The following LRRN1 variants were observed in gnomAD, a reference collection of about 807,000 sequenced individuals.
LRRN1 encodes the protein leucine-rich repeat neuronal protein 1.
LRRN1 carries 14 observed loss-of-function variants against 45.8 expected under a neutral mutation model. The ratio of observed to expected loss-of-function variants is 0.31; its 90% confidence interval spans 0.20 to 0.48. The LOEUF (loss-of-function observed/expected upper bound fraction) is 0.48, where lower values mean the gene tolerates loss of function less well. Among genes scored for constraint, LRRN1 ranks in the 20% least tolerant of loss-of-function variants. The pLI, the probability that LRRN1 is intolerant of heterozygous loss-of-function variation, is 0.99. For synonymous variants in LRRN1, 359 were observed against 330.1 expected (o/e 1.09, Z -0.95); for missense variants, 789 against 874.2 (o/e 0.90, Z 1.23).
chr3:3,825,547 A>AT (rs1195903164), intron 1 of LRRN1, among the ~76,000 whole-genome samples: 1 of 152,202 alleles, frequency 6.6e-6, no homozygotes, highest in Non-Finnish European at 1.5e-5. Flanking sequence ...GGGGAGGACA[A>AT]TCTAATTTTC....
At chr3:3,837,841 A>G (rs557392639) in intron 1 of LRRN1, among the ~76,000 whole-genome samples, 1 of 151,980 alleles carries the variant, frequency 6.6e-6, no homozygotes, top group African/African-American at 2.4e-5. Context: ...CTATGTATTA[A>G]GCCCAACATG....
chr3:3,827,349 T>C, intron 1 of LRRN1: 1 of 413,060 alleles, frequency 2.4e-6, no homozygotes, highest in South Asian at 1.7e-5. Flanking sequence ...TTGTTAAGTA[T>C]CACAATCAGC....
Position 3,844,947 on chromosome 3 carries a change from C to T in LRRN1, c.306C>T (p.Phe102=), listed in dbSNP as rs1456515421. 6.2e-7 allele frequency: 1 copy of T among 1,614,120 alleles called. No homozygotes were observed. Among genetic ancestry groups the T allele is most frequent in the African/African-American group, 1.3e-5 (1 of 75,050 alleles). The change falls in exon 2 of 2, where the codon TTC becomes TTT. Residue 102 remains phenylalanine, a synonymous_variant. Transcript: ENST00000319331. Reference sequence around the variant, plus strand: ...TTTTCAACTTGACTGAACTAGATTTCTCCCAAAACAACTTTACTAACATTA... The same window carrying T: ...TTTTCAACTTGACTGAACTAGATTTTTCCCAAAACAACTTTACTAACATTA... ...QQLFNLTELD[F]SQNNFTNIKE...
intron 1 of LRRN1, among the ~76,000 whole-genome samples, chr3:3,821,614 T>C (rs1693107314): frequency 1.3e-5 from 2 of 152,180 alleles, no homozygotes; most frequent in South Asian, 4.1e-4. Flanking sequence ...CACCATTTTA[T>C]TGGATCTCTT....
At chr3:3,827,829 A>T (rs1488455) in intron 1 of LRRN1, among the ~76,000 whole-genome samples, 79,298 of 151,920 alleles carry the variant, frequency 0.52, 23,251 homozygotes, top group Non-Finnish European at 0.67. Flanking sequence ...TGTTTTATAA[A>T]TTGCCTGGAT....
intron 1 of LRRN1, among the ~76,000 whole-genome samples, chr3:3,839,283 C>T (rs146953619): frequency 1.4e-4 from 22 of 152,192 alleles, no homozygotes; most frequent in Non-Finnish European, 5.9e-5. Context: ...AGTCTTGGCA[C>T]CCTTGTCAAA....
At chr3:3,826,378 A>G (rs1393738446) in intron 1 of LRRN1, among the ~76,000 whole-genome samples, 1 of 152,186 alleles carries the variant, frequency 6.6e-6, no homozygotes, top group Non-Finnish European at 1.5e-5. Flanking sequence ...AAAATAGGAT[A>G]CAAAGTTACA....
intron 1 of LRRN1, among the ~76,000 whole-genome samples, chr3:3,840,061 A>G (rs1693614049): frequency 1.3e-5 from 2 of 152,118 alleles, no homozygotes; most frequent in South Asian, 4.1e-4. Context: ...TCCCATTCTT[A>G]GAGGAGAAAC....
chr3:3,830,799 G>A (rs1693355051), intron 1 of LRRN1, among the ~76,000 whole-genome samples: 1 of 152,186 alleles, frequency 6.6e-6, no homozygotes, highest in Admixed American at 6.5e-5. Flanking sequence ...GGGTCAGAAA[G>A]CACCCAGTTT....
intron 1 of LRRN1, among the ~76,000 whole-genome samples, chr3:3,833,867 C>T (rs928478694): frequency 1.3e-5 from 2 of 152,182 alleles, no homozygotes; most frequent in Non-Finnish European, 2.9e-5. Flanking sequence ...GTGTCCTCAG[C>T]TTCATCAGGG....
At chr3:3,828,154 T>A (rs1236547417) in intron 1 of LRRN1, among the ~76,000 whole-genome samples, 12 of 148,450 alleles carry the variant, frequency 8.1e-5, no homozygotes, top group African/African-American at 2.2e-4. Flanking sequence ...ATATATATAT[T>A]ATATATATAT....
At chr3:3,827,629 C>A in intron 1 of LRRN1, 1 of 391,990 alleles carries the variant, frequency 2.6e-6, no homozygotes, top group Admixed American at 2.9e-5. Flanking sequence ...TATTTGGAGC[C>A]TGAGAAAAAG....
rs1381595140 is a variant in LRRN1 at position 3,846,619 on chromosome 3, A to C, written c.1978A>C (p.Asn660His). ...CTTTGCCAAAAGATTTAAGAGAAAA[A>C]ACTACCACCACTCATTAAAAAAGTA... is the stretch of plus-strand genomic sequence containing the variant. ...VYFAKRFKRKNYHHSLKKYMQ... is the reference protein window; with the variant it reads ...VYFAKRFKRKHYHHSLKKYMQ... The change falls in exon 2 of 2, where the codon AAC becomes CAC. Residue 660 changes from asparagine to histidine, a missense_variant. By Grantham distance (68) the Asn-to-His change is moderately conservative. Coordinates refer to ENST00000319331, the MANE Select transcript of LRRN1 (RefSeq NM_020873.7). This position sits in a 1 kb window ranked among gnomAD's most constrained non-coding sequence, Gnocchi z 5.7. The C allele has an allele frequency of 6.2e-7, 1 of 1,613,964 alleles. No homozygotes were observed. Among genetic ancestry groups the C allele is most frequent in the Admixed American group, 1.7e-5 (1 of 59,970 alleles).
chr3:3,845,804 A>G lies in LRRN1; in HGVS notation c.1163A>G (p.Asn388Ser). ...CACTGGATTAACTCCAACAAAACCA[A>G]CATCCGCTTCATGGAGCCCCTGTCC... Reference protein sequence around the residue: ...VIHWINSNKTNIRFMEPLSMF... With the variant: ...VIHWINSNKTSIRFMEPLSMF... The change falls in exon 2 of 2, where the codon AAC becomes AGC. Residue 388 changes from asparagine to serine, a missense_variant. Transcript: ENST00000319331. This position sits in a 1 kb window ranked among gnomAD's most constrained non-coding sequence, Gnocchi z 6.5. 6.2e-7 allele frequency: 1 copy of G among 1,614,132 alleles called. No individual in the cohort carries two copies. Among genetic ancestry groups the G allele is most frequent in the East Asian group, 2.2e-5 (1 of 44,870 alleles).
chr3:3,838,152 A>G (rs11129784), intron 1 of LRRN1, among the ~76,000 whole-genome samples: 78,749 of 152,040 alleles, frequency 0.52, 23,275 homozygotes, highest in Non-Finnish European at 0.68. Context: ...CAATGGGGAA[A>G]GGATTCCCTA....
At chr3:3,835,274 A>T (rs1693483125) in intron 1 of LRRN1, among the ~76,000 whole-genome samples, 1 of 152,196 alleles carries the variant, frequency 6.6e-6, no homozygotes, top group Non-Finnish European at 1.5e-5. Context: ...CATTAGTTTT[A>T]TTGGGCAAAA....
At chr3:3,838,823 T>C (rs1693583003) in intron 1 of LRRN1, among the ~76,000 whole-genome samples, 1 of 152,186 alleles carries the variant, frequency 6.6e-6, no homozygotes, top group South Asian at 2.1e-4. Context: ...TGTATGTCTT[T>C]GGAGAATTGT....
In LRRN1 at chr3:3,844,474, A is replaced by G; in HGVS notation, c.-168A>G. ...ACTCCAAGTTGCTTTCTGCCTTTTG[A>G]AAACTCCTGAAAACCATCCCTTTGG... On this transcript the variant is annotated 5_prime_UTR_variant, in exon 2 of 2. Coordinates refer to ENST00000319331, the MANE Select transcript of LRRN1 (RefSeq NM_020873.7). 5.1e-6 allele frequency: 3 copies of G among 586,590 alleles called. No homozygotes were observed. Among genetic ancestry groups the G allele is most frequent in the South Asian group, 2.5e-5 (1 of 40,644 alleles). The allele number at this position is 586,590 out of a possible 1,614,324, so 36.3% of individuals were successfully genotyped here.
At chr3:3,802,417 T>C (rs1212256372) in intron 1 of LRRN1, among the ~76,000 whole-genome samples, 1 of 152,124 alleles carries the variant, frequency 6.6e-6, no homozygotes, top group Non-Finnish European at 1.5e-5. Context: ...TGCCCCAGTA[T>C]TCTATATATT....
Sources: allele counts gnomAD v4.1 joint callset (sites outside exome capture counted in the v4.1 genomes callset), GRCh38; gene constraint gnomAD v4.1.1; non-coding constraint Gnocchi (gnomAD v3.1); transcripts MANE v1.5; gene names NCBI Gene and HGNC (gene_info 2026-07-23, HGNC 2026-07-21).